RBM6: variants seen among roughly 807,000 people sequenced by gnomAD.
RBM6 encodes the protein RNA binding motif protein 6.
RBM6 carries 23 observed loss-of-function variants against 140.4 expected under a neutral mutation model. The ratio of observed to expected loss-of-function variants is 0.16; its 90% CI spans 0.12 to 0.23. RBM6 has a LOEUF of 0.23. Ranked by LOEUF, RBM6 falls within the 10% of genes least tolerant of loss-of-function variation. The probability of loss-of-function intolerance (pLI) is 1.00; values close to 1 mark genes in which losing one functional copy is unlikely to be tolerated. For synonymous variants in RBM6, 439 were observed against 475.6 expected, an observed-to-expected ratio of 0.92 and a Z score of 1.00; for missense variants, 1,139 against 1,386.7, an observed-to-expected ratio of 0.82 and a Z score of 2.84.
intron 6 of RBM6, among the ~76,000 whole-genome samples, chr3:50,035,057 C>T (rs1029698502): frequency 6.8e-6 from 1 of 146,078 alleles, no homozygotes; most frequent in African/African-American, 2.5e-5. Flanking sequence ...CCCTACTCCC[C>T]TCTCCTCCCC....
intron 1 of RBM6, among the ~76,000 whole-genome samples, chr3:49,949,018 A>T (rs1365557837): frequency 2.0e-5 from 3 of 149,674 alleles, no homozygotes; most frequent in Non-Finnish European, 4.5e-5. Context: ...TTTAGTAGAG[A>T]TGGAGTTTCA....
intron 6 of RBM6, among the ~76,000 whole-genome samples, chr3:49,999,780 AAAAG>A (rs1472246038): frequency 1.3e-5 from 2 of 152,148 alleles, no homozygotes; most frequent in African/African-American, 4.8e-5. Flanking sequence ...AAAAAAAAAA[AAAAG>A]ACACATCTGG....
At chr3:49,984,618 ATCGCATCGCATCGCATCGCATCG>A (rs1559552772) in intron 5 of RBM6, among the ~76,000 whole-genome samples, 24,414 of 148,562 alleles carry the variant, frequency 0.16, 2,151 homozygotes, top group African/African-American at 0.22. Context: ...ATCACATCGC[ATCGCATCGCATCGCATCGCATCG>A]CATCGCATCG....
At chr3:50,056,429 G>A (rs1283466083) in intron 8 of RBM6, among the ~76,000 whole-genome samples, 1 of 151,948 alleles carries the variant, frequency 6.6e-6, no homozygotes, top group East Asian at 1.9e-4. Context: ...CAAGTAGCTG[G>A]GATTACAGGC....
rs373134652 is a variant in RBM6 at position 49,948,620 on chromosome 3, G to C, written c.-67+8395G>C. On this transcript the variant is annotated intron_variant, in intron 1 of 20. Transcript: ENST00000266022. The stretch of plus-strand genomic sequence containing the variant: ...CCAGCTACTTGGGAGGCTGAGGCAG[G>C]AGGATCACTTGAACCCAGGAGGTGG... Among the ~76,000 whole-genome samples the C allele has an allele frequency of 1.2e-4, 18 of 151,592 alleles. No homozygotes were observed. In the East Asian group the frequency reaches 2.4e-3, roughly 20 times the overall value.
At chr3:50,024,149 G>C (rs982208085) in intron 6 of RBM6, among the ~76,000 whole-genome samples, 2 of 152,116 alleles carry the variant, frequency 1.3e-5, no homozygotes, top group African/African-American at 4.8e-5. Context: ...AAAATTGCTA[G>C]GTTATCTAAA....
At chr3:49,946,365 C>T (rs574896138) in intron 1 of RBM6, among the ~76,000 whole-genome samples, 43 of 152,068 alleles carry the variant, frequency 2.8e-4, no homozygotes, top group African/African-American at 6.7e-4. Context: ...CTCAGCCTCC[C>T]GAGTAACTGG....
At chr3:50,069,691 AAACC>A (rs2090238636) in intron 18 of RBM6, among the ~76,000 whole-genome samples, 1 of 152,078 alleles carries the variant, frequency 6.6e-6, no homozygotes, top group African/African-American at 2.4e-5. Flanking sequence ...CCCTGTCTCA[AAACC>A]AAACAAAAGA....
Position 49,956,320 on chromosome 3 carries a change from C to T in RBM6, c.-66-6256C>T, listed in dbSNP as rs938510657. On this transcript the variant is annotated intron_variant, in intron 1 of 20. Coordinates refer to ENST00000266022, the MANE Select transcript of RBM6 (RefSeq NM_005777.3). ...ACAGGCATTAGCCACTTTCTGCCCCCTCCCCCGCTTTTTTTTTTTTTTTTT... is the reference window on the plus strand; with the variant it reads ...ACAGGCATTAGCCACTTTCTGCCCCTTCCCCCGCTTTTTTTTTTTTTTTTT... Among the ~76,000 whole-genome samples the T allele has an allele frequency of 8.0e-5, 12 of 149,792 alleles. No homozygotes were observed. In the Admixed American group the frequency reaches 8.1e-4, roughly 10 times the overall value.
At chr3:49,956,691 G>A (rs548203468) in intron 1 of RBM6, among the ~76,000 whole-genome samples, 66 of 150,194 alleles carry the variant, frequency 4.4e-4, no homozygotes, top group Non-Finnish European at 9.0e-4. Context: ...TTGAGACGGA[G>A]TTTCGTTCTT....
chr3:50,068,911 TA>T, intron 18 of RBM6, 147 bp downstream of exon 18: 1 of 611,436 alleles, frequency 1.6e-6, no homozygotes. Context: ...CCAAATTATA[TA>T]ATACAATCAA....
intron 6 of RBM6, among the ~76,000 whole-genome samples, chr3:50,004,034 T>C (rs184098275): frequency 4.1e-4 from 62 of 152,346 alleles, no homozygotes; most frequent in African/African-American, 1.5e-3. Context: ...AGAAGTATTG[T>C]GTTAAAATGT....
intron 5 of RBM6, among the ~76,000 whole-genome samples, chr3:49,995,760 G>A (rs1362559790): frequency 6.6e-6 from 1 of 152,088 alleles, no homozygotes; most frequent in Non-Finnish European, 1.5e-5. Context: ...CCATGGGAAG[G>A]TTAACACTGA....
intron 5 of RBM6, among the ~76,000 whole-genome samples, chr3:49,992,100 T>C (rs2108711190): frequency 6.6e-6 from 1 of 152,166 alleles, no homozygotes; most frequent in Non-Finnish European, 1.5e-5. Context: ...TACAGGTGTG[T>C]ACCACGACAC....
At chr3:49,956,521 G>A (rs965304490) in intron 1 of RBM6, among the ~76,000 whole-genome samples, 8 of 151,544 alleles carry the variant, frequency 5.3e-5, no homozygotes, top group Non-Finnish European at 8.8e-5. Context: ...TAATAGAGAT[G>A]GGGTTTCTCT....
intron 6 of RBM6, among the ~76,000 whole-genome samples, chr3:50,022,076 G>A (rs2108797597): frequency 6.6e-6 from 1 of 151,918 alleles, no homozygotes; most frequent in East Asian, 1.9e-4. Flanking sequence ...AAAGAAATCA[G>A]CATATTTTAT....
At chr3:49,959,330 A>C (rs886457713) in intron 1 of RBM6, among the ~76,000 whole-genome samples, 3 of 147,348 alleles carry the variant, frequency 2.0e-5, no homozygotes, top group Admixed American at 1.4e-4. Flanking sequence ...CTGGGACTAC[A>C]GGTGCCCGCC....
chr3:50,010,324 T>C (rs1025144741), intron 6 of RBM6, among the ~76,000 whole-genome samples: 2 of 152,122 alleles, frequency 1.3e-5, no homozygotes, highest in South Asian at 2.1e-4. Context: ...AAGGAAAATA[T>C]GTAGGAGAAA....
At chr3:50,072,083 C>CAAAAAAA (rs974465674) in intron 19 of RBM6, among the ~76,000 whole-genome samples, 1 of 41,442 alleles carries the variant, frequency 2.4e-5, no homozygotes, top group African/African-American at 9.1e-5. Context: ...GACTCTGTCT[C>CAAAAAAA]AAAAAAAAAA....
Sources: allele counts gnomAD v4.1 joint callset (sites outside exome capture counted in the v4.1 genomes callset), GRCh38; gene constraint gnomAD v4.1.1; transcripts MANE v1.5; gene names NCBI Gene and HGNC (gene_info 2026-07-23, HGNC 2026-07-21).